Variants in GALNT3 observed in about 807,000 individuals in gnomAD.
GALNT3 encodes GalNAc transferase 3.
A neutral mutation model predicts 69.8 loss-of-function variants in GALNT3; 51 were observed. The observed-to-expected ratio is 0.73, with a 90% confidence interval of 0.58 to 0.92. The LOEUF (loss-of-function observed/expected upper bound fraction) is 0.92, where lower values mean the gene tolerates loss of function less well. Among genes scored for constraint, GALNT3 ranks in the 40% least tolerant of loss-of-function variants. GALNT3 has a pLI of 0.00. For synonymous variants in GALNT3, 265 were observed against 248.5 expected, an observed-to-expected ratio of 1.07 and a Z score of -0.63; for missense variants, 711 against 760.0, an observed-to-expected ratio of 0.94 and a Z score of 0.76.
Position 165,764,997 on chromosome 2 carries a change from A to T in GALNT3, c.575T>A (p.Val192Asp). Residue 192 changes from valine to aspartate, a missense_variant, in exon 3 of 11, where the codon GTT becomes GAT. Coordinates refer to ENST00000392701, the MANE Select transcript of GALNT3 (RefSeq NM_004482.4). Reference sequence around the variant, plus strand: ...CGTGGACCACGCTTCATTATGAAAAACTATTATGACACTGGTGGTGGGCAG... The same window carrying T: ...CGTGGACCACGCTTCATTATGAAAATCTATTATGACACTGGTGGTGGGCAG... ...PPLPTTSVIIVFHNEAWSTLL... is the reference protein window; with the variant it reads ...PPLPTTSVIIDFHNEAWSTLL... 1 of 1,614,208 alleles carries T rather than the reference A, an allele frequency of 6.2e-7. No individual in the cohort carries two copies. Among genetic ancestry groups the T allele is most frequent in the Non-Finnish European group, 8.5e-7 (1 of 1,180,024 alleles).
intron 3 of GALNT3, 38 bp from the exon 4 acceptor site, chr2:165,762,092 T>A (rs774829760): frequency 1.5e-5 from 21 of 1,393,906 alleles, no homozygotes; most frequent in Non-Finnish European, 2.1e-5. Context: ...TCTTTCTAAA[T>A]GCATTTTCAT....
intron 3 of GALNT3, 48 bp from the exon 4 acceptor site, chr2:165,762,102 T>C (rs1688562162): frequency 7.6e-7 from 1 of 1,307,586 alleles, no homozygotes; most frequent in African/African-American, 1.5e-5. Flanking sequence ...TGCATTTTCA[T>C]ATATAGCTTA....
In GALNT3 at chr2:165,757,703, C is replaced by T. The variant is rs570238785; in HGVS notation, c.1192-456G>A. On this transcript the variant is annotated intron_variant, in intron 6 of 10. Coordinates refer to ENST00000392701, the MANE Select transcript of GALNT3 (RefSeq NM_004482.4). ...TCTCTTGTATATTCAATTTTGTAACCAAGAAAACAATTCCAGATGGCTATT... is the reference window on the plus strand; with the variant it reads ...TCTCTTGTATATTCAATTTTGTAACTAAGAAAACAATTCCAGATGGCTATT... Among the ~76,000 whole-genome samples, 161 of 152,092 alleles carry T rather than the reference C, an allele frequency of 1.1e-3. 6 individuals are homozygous for T. In the South Asian group the frequency reaches 0.033, roughly 32 times the overall value.
At chr2:165,784,556 G>T (rs773501784) in intron 1 of GALNT3, among the ~76,000 whole-genome samples, 105 of 152,188 alleles carry the variant, frequency 6.9e-4, no homozygotes, top group Non-Finnish European at 1.1e-3. Context: ...CTTGTTGAAA[G>T]GTGCTAGCTA....
chr2:165,766,568 G>A (rs1688646360), intron 2 of GALNT3, among the ~76,000 whole-genome samples: 1 of 98,270 alleles, frequency 1.0e-5, no homozygotes, highest in South Asian at 3.2e-4. Flanking sequence ...AGGGCTTCAA[G>A]TCACTGGGAC....
chr2:165,761,792 G>T (rs1289421165), intron 4 of GALNT3, 113 bp downstream of exon 4: 2 of 1,161,214 alleles, frequency 1.7e-6, no homozygotes, highest in Admixed American at 1.7e-5. Context: ...AGTTGAAAAC[G>T]CTGTTAAAGA....
intron 9 of GALNT3, 45 bp from the exon 10 acceptor site, chr2:165,749,939 C>G: frequency 6.4e-7 from 1 of 1,559,964 alleles, no homozygotes; most frequent in Non-Finnish European, 8.8e-7. Context: ...AACCCATGTG[C>G]TCAGTTGCAA....
intron 1 of GALNT3, among the ~76,000 whole-genome samples, chr2:165,774,110 C>A (rs919570210): frequency 1.3e-5 from 2 of 152,196 alleles, no homozygotes; most frequent in Admixed American, 6.5e-5. Flanking sequence ...TGGGGTCTCA[C>A]AGGAAAGTGG....
At chr2:165,770,854 C>T (rs1396963758) in intron 1 of GALNT3, 46 bp from the exon 2 acceptor site, 2 of 733,854 alleles carry the variant, frequency 2.7e-6, no homozygotes, top group African/African-American at 3.6e-5. Flanking sequence ...TTCAGTCCTA[C>T]AGGCATGGCT....
intron 4 of GALNT3, among the ~76,000 whole-genome samples, chr2:165,759,881 C>G (rs1323150370): frequency 6.6e-6 from 1 of 152,070 alleles, no homozygotes; most frequent in Admixed American, 6.5e-5. Context: ...AAGATCTACT[C>G]TTAGCAATTT....
At chr2:165,759,172 T>G (rs1051324580) in intron 5 of GALNT3, among the ~76,000 whole-genome samples, 164 bp downstream of exon 5, 1 of 152,216 alleles carries the variant, frequency 6.6e-6, no homozygotes, top group Non-Finnish European at 1.5e-5. Flanking sequence ...CAACATCATG[T>G]ATAAGCAAGT....
chr2:165,763,381 T>A (rs2105411859), intron 3 of GALNT3, among the ~76,000 whole-genome samples: 3 of 152,302 alleles, frequency 2.0e-5, no homozygotes, highest in Admixed American at 2.0e-4. Context: ...ATTTAAAGCT[T>A]AAACATTCAT....
At chr2:165,784,617 C>T (rs1403355696) in intron 1 of GALNT3, among the ~76,000 whole-genome samples, 2 of 152,012 alleles carry the variant, frequency 1.3e-5, no homozygotes, top group Non-Finnish European at 2.9e-5. Context: ...AAGAGGATTG[C>T]TTGAGCCCAG....
intron 9 of GALNT3, among the ~76,000 whole-genome samples, chr2:165,750,253 CTCAA>C (rs768927360): frequency 3.3e-5 from 5 of 152,132 alleles, no homozygotes; most frequent in Non-Finnish European, 7.4e-5. Context: ...TCTTCTTCAT[CTCAA>C]TCAAAGGTGT....
chr2:165,770,500 T>C lies in GALNT3; in HGVS notation c.201A>G (p.Leu67=). ...KNKNKMLDLM[L]EAVNNIKDAM... ...CATCCTTAATATTGTTTACAGCTTC[T>C]AGCATTAAATCCAACATCTTGTTTT... The change falls in exon 2 of 11, where the codon CTA becomes CTG. Residue 67 remains leucine (L), a synonymous_variant. Coordinates refer to ENST00000392701, the MANE Select transcript of GALNT3 (RefSeq NM_004482.4). 1.9e-6 allele frequency: 3 copies of C among 1,614,234 alleles called. No individual in the cohort carries two copies. Among genetic ancestry groups the C allele is most frequent in the Non-Finnish European group, 2.5e-6 (3 of 1,180,026 alleles).
chr2:165,781,629 A>G (rs969440845), intron 1 of GALNT3, among the ~76,000 whole-genome samples: 4 of 151,928 alleles, frequency 2.6e-5, no homozygotes, highest in Non-Finnish European at 5.9e-5. Flanking sequence ...CCTATCGAGC[A>G]TAGTGGCTAC....
At chr2:165,785,053 C>A (rs1683191057) in intron 1 of GALNT3, among the ~76,000 whole-genome samples, 1 of 152,038 alleles carries the variant, frequency 6.6e-6, no homozygotes, top group South Asian at 2.1e-4. Flanking sequence ...CTGCTTACTA[C>A]TGTAGTCTCT....
chr2:165,786,558 T>C (rs1429472586), intron 1 of GALNT3, among the ~76,000 whole-genome samples: 3 of 152,264 alleles, frequency 2.0e-5, no homozygotes, highest in Non-Finnish European at 2.9e-5. Flanking sequence ...TAATGCCTAA[T>C]TCAATGTAAA....
chr2:165,759,515 G>GAA lies in GALNT3; in HGVS notation c.893_894insTT (p.Thr299SerfsTer5). 1 of 1,614,014 alleles carries GAA rather than the reference G, an allele frequency of 6.2e-7. No individual in the cohort carries two copies. On this transcript the variant is annotated frameshift_variant, in exon 5 of 11. Coordinates refer to ENST00000392701, the MANE Select transcript of GALNT3 (RefSeq NM_004482.4). LOFTEE classifies it high-confidence loss of function. ...CAATATCTGGACTTACGACAGCCGT[G>GAA]TAGTTCTCAGCTATTCTGGCCAACA... is the stretch of plus-strand genomic sequence containing the variant.
Sources: gnomAD v4.1 joint callset for allele counts (sites outside exome capture counted in the v4.1 genomes callset) on GRCh38, gnomAD v4.1.1 for gene constraint, MANE v1.5 for transcripts, NCBI Gene and HGNC (gene_info 2026-07-23, HGNC 2026-07-21) for gene names.